The following PYROXD2 variants were observed in gnomAD, a reference collection of about 807,000 sequenced individuals.
The protein encoded by PYROXD2 is pyridine nucleotide-disulphide oxidoreductase domain 2, also known as pyridine nucleotide-disulfide oxidoreductase domain-containing protein 2.
Under a neutral mutation model 71.1 loss-of-function variants are expected in PYROXD2, and 69 were observed. That is an observed-to-expected ratio of 0.97 (90% CI 0.80 to 1.19). PYROXD2 has a LOEUF of 1.19. Among genes scored for constraint, PYROXD2 ranks in the 50% most tolerant of loss-of-function variants. PYROXD2 has a pLI of 0.00. For synonymous variants in PYROXD2, 287 were observed against 302.7 expected (o/e 0.95, Z 0.54); for missense variants, 745 against 748.9 (o/e 0.99, Z 0.06).
chr10:98,414,973 C>T (rs767396190), intron 1 of PYROXD2, 36 bp downstream of exon 1: 5 of 1,605,768 alleles, frequency 3.1e-6, no homozygotes, highest in South Asian at 1.1e-5. Flanking sequence ...GTCTTCCCGC[C>T]CCTCAGCTCT....
chr10:98,385,130 G>T, intron 14 of PYROXD2, 63 bp from the exon 15 acceptor site: 1 of 1,590,380 alleles, frequency 6.3e-7, no homozygotes, highest in Admixed American at 1.8e-5. Context: ...CTCTGGCTGG[G>T]TTTCTTCCCC....
intron 5 of PYROXD2, among the ~76,000 whole-genome samples, chr10:98,398,791 G>C (rs1430558473): frequency 1.3e-5 from 2 of 152,084 alleles, no homozygotes; most frequent in African/African-American, 4.8e-5. Context: ...GCAGGTGGTG[G>C]TCTCCAATCT....
In PYROXD2 at chr10:98,395,186, C is replaced by A. The variant is rs1313056225; in HGVS notation, c.785+10G>T. ...CCACTCCTGTGTCCCACCTCACCCC[C>A]CTCACTCACCCACTCCCCGGAGTGT... On this transcript the variant is annotated intron_variant, in intron 8 of 15. Transcript: ENST00000370575. 1.9e-6 allele frequency: 3 copies of A among 1,611,644 alleles called. No homozygotes were observed. Among genetic ancestry groups the A allele is most frequent in the Non-Finnish European group, 1.7e-6 (2 of 1,178,006 alleles).
chr10:98,396,036 C>T (rs17109634), intron 6 of PYROXD2, among the ~76,000 whole-genome samples: 8,060 of 152,304 alleles, frequency 0.053, 236 homozygotes, highest in East Asian at 0.12. Context: ...TCACACAGAG[C>T]TCCTTGGACT....
At chr10:98,396,708 A>G (rs529536912) in intron 6 of PYROXD2, among the ~76,000 whole-genome samples, 9 of 152,316 alleles carry the variant, frequency 5.9e-5, no homozygotes, top group African/African-American at 1.9e-4. Flanking sequence ...AGCTCCAAGC[A>G]GGCTTTGATC....
At chr10:98,414,706 A>C (rs1207858486) in intron 1 of PYROXD2, 8 of 289,778 alleles carry the variant, frequency 2.8e-5, no homozygotes, top group African/African-American at 1.5e-4. Flanking sequence ...ACTTTGCAAG[A>C]GATATAGGGA....
At chr10:98,408,602 C>T (rs142283400) in intron 2 of PYROXD2, among the ~76,000 whole-genome samples, 148 of 152,264 alleles carry the variant, frequency 9.7e-4, no homozygotes, top group African/African-American at 3.4e-3. Flanking sequence ...AGAGAATGTA[C>T]TCAGTAAATG....
At chr10:98,409,294 C>T (rs9787550) in intron 2 of PYROXD2, among the ~76,000 whole-genome samples, 52,520 of 152,140 alleles carry the variant, frequency 0.35, 9,852 homozygotes, top group South Asian at 0.49. Flanking sequence ...TCTGCACACT[C>T]GTCTCTCCTC....
intron 4 of PYROXD2, among the ~76,000 whole-genome samples, chr10:98,403,180 A>G (rs1164174222): frequency 1.3e-5 from 2 of 152,128 alleles, no homozygotes; most frequent in Admixed American, 6.5e-5. Context: ...TAAGATGGAG[A>G]CATTCTTTAT....
chr10:98,398,933 C>T (rs551511370), intron 5 of PYROXD2, among the ~76,000 whole-genome samples: 71 of 152,042 alleles, frequency 4.7e-4, no homozygotes, highest in Non-Finnish European at 9.1e-4. Flanking sequence ...CTCAAGAGTT[C>T]CAGACCAGCC....
rs117431460 is a variant in PYROXD2 at position 98,415,084 on chromosome 10, G to C, written c.52C>G (p.Pro18Ala). ...LCKAVAASPF[P>A]AWRRDNTEAR... is the part of the protein sequence containing the mutation. Reference sequence around the variant, plus strand: ...TCCGTGTTATCTCGTCTCCACGCCGGGAAGGGAGAGGCGGCCACAGCCTTG... The same window carrying C: ...TCCGTGTTATCTCGTCTCCACGCCGCGAAGGGAGAGGCGGCCACAGCCTTG... The change falls in exon 1 of 16, where the codon CCG becomes GCG. Residue 18 changes from proline (P) to alanine (A), a missense_variant. Coordinates refer to ENST00000370575, the MANE Select transcript of PYROXD2 (RefSeq NM_032709.3). 8.3e-3 allele frequency: 13,416 copies of C among 1,613,990 alleles called. 70 individuals are homozygous for C. Among genetic ancestry groups the C allele is most frequent in the Non-Finnish European group, 9.3e-3 (10,972 of 1,179,914 alleles).
chr10:98,406,705 A>G (rs948185384), intron 4 of PYROXD2, among the ~76,000 whole-genome samples: 1 of 152,062 alleles, frequency 6.6e-6, no homozygotes, highest in African/African-American at 2.4e-5. Context: ...CATCCCGGCT[A>G]ACACGGTGAA....
Position 98,397,434 on chromosome 10 carries a change from G to A in PYROXD2, c.536C>T (p.Ala179Val), listed in dbSNP as rs568245398. 85 of 1,613,028 alleles carry A rather than the reference G, an allele frequency of 5.3e-5. No homozygotes were observed. The East Asian group carries it at 5.4e-4, about 10-fold the overall frequency. The change falls in exon 6 of 16, where the codon GCG becomes GTG. Residue 179 changes from alanine to valine, a missense_variant. Coordinates refer to ENST00000370575, the MANE Select transcript of PYROXD2 (RefSeq NM_032709.3). ...GAAGGCCGCCATGTCCACGGGGGCC[G>A]CATCCAGCAGAGGGTCAATGGCTAA... ...LALAIDPLLD[A>V]APVDMAAFQH...
chr10:98,393,157 C>A, intron 8 of PYROXD2, 74 bp from the exon 9 acceptor site: 1 of 1,189,304 alleles, frequency 8.4e-7, no homozygotes, highest in South Asian at 1.6e-5. Flanking sequence ...GCAACTATTC[C>A]TTTCCATCTT....
Position 98,400,172 on chromosome 10 carries a change from C to T in PYROXD2, c.401G>A (p.Cys134Tyr). Reference protein sequence around the residue: ...EEGAGSKVPRCLLLGTDMAEN... With the variant: ...EEGAGSKVPRYLLLGTDMAEN... ...TGCCATGTCTGTGCCCAGCAGAAGGCACCTGGGCACCTTGCTGCCTGCACC... is the reference window on the plus strand; with the variant it reads ...TGCCATGTCTGTGCCCAGCAGAAGGTACCTGGGCACCTTGCTGCCTGCACC... The change falls in exon 5 of 16, where the codon TGC (cysteine) becomes TAC (tyrosine). Residue 134 changes from cysteine to tyrosine, a missense_variant. Transcript: ENST00000370575. 1 of 1,613,732 alleles carries T rather than the reference C, an allele frequency of 6.2e-7. No homozygotes were observed. The highest frequency in any genetic ancestry group is 8.5e-7 in the Non-Finnish European group (1 of 1,179,826).
At chr10:98,400,856 T>TACCAC (rs1272434678) in intron 4 of PYROXD2, among the ~76,000 whole-genome samples, 3 of 152,354 alleles carry the variant, frequency 2.0e-5, no homozygotes, top group African/African-American at 7.2e-5. Context: ...TCTGATAGCC[T>TACCAC]ACCACACATA....
Position 98,407,704 on chromosome 10 carries a change from G to GGACCGTCACCAGGGGTCAGCAGGGATGGA in PYROXD2, c.242-78_242-50dup. The GGACCGTCACCAGGGGTCAGCAGGGATGGA allele has an allele frequency of 6.4e-6, 10 of 1,552,074 alleles. 4 individuals carry two copies. Among genetic ancestry groups the GGACCGTCACCAGGGGTCAGCAGGGATGGA allele is most frequent in the East Asian group, 4.8e-5 (2 of 41,378 alleles). Reference sequence around the variant, plus strand: ...TGTCACCAGGGGTCACCAGGGATGAGGACCGTCACCAGGGGTCAGCAGGGA... The same window carrying GGACCGTCACCAGGGGTCAGCAGGGATGGA: ...TGTCACCAGGGGTCACCAGGGATGAGGACCGTCACCAGGGGTCAGCAGGGATGGAGACCGTCACCAGGGGTCAGCAGGGA... On this transcript the variant is annotated intron_variant, in intron 3 of 15. Transcript: ENST00000370575.
At chr10:98,412,994 C>T (rs971906373) in intron 1 of PYROXD2, among the ~76,000 whole-genome samples, 1 of 152,192 alleles carries the variant, frequency 6.6e-6, no homozygotes, top group Non-Finnish European at 1.5e-5. Context: ...TATAAGCTTA[C>T]AATTAAATAA....
At position 98,387,622 on chromosome 10, in the gene PYROXD2, CTGTT is replaced by C. The variant is rs1346020488; in HGVS notation, c.1448-319_1448-316del. On this transcript the variant is annotated intron_variant, in intron 13 of 15. Transcript: ENST00000370575. The stretch of plus-strand genomic sequence containing the variant: ...TTTTCACCTCTTCACTTTTCTCAAG[CTGTT>C]TTTTTTTTTTTTTTTTTTTTTTTTG... Among the ~76,000 whole-genome samples, 11 of 129,918 alleles carry C rather than the reference CTGTT, an allele frequency of 8.5e-5. No individual in the cohort carries two copies. In the Admixed American group the frequency reaches 8.5e-4, roughly 10 times the overall value. The allele number at this position is 129,918 out of a possible 152,430, so 85.2% of individuals were successfully genotyped here.
Sources: gnomAD v4.1 joint callset for allele counts (sites outside exome capture counted in the v4.1 genomes callset) on GRCh38, gnomAD v4.1.1 for gene constraint, MANE v1.5 for transcripts, NCBI Gene and HGNC (gene_info 2026-07-23, HGNC 2026-07-21) for gene names.